The following ZNF483 variants were observed in gnomAD, a reference collection of about 807,000 sequenced individuals.
ZNF483 encodes zinc finger protein HIT-10.
In ZNF483, 9 loss-of-function variants were observed where a neutral mutation model predicts 28.6. The ratio of observed to expected loss-of-function variants is 0.32; its 90% CI spans 0.19 to 0.55. The LOEUF (loss-of-function observed/expected upper bound fraction) is 0.55, where lower values mean the gene tolerates loss of function less well. ZNF483 is among the 20% of genes least tolerant of loss of function. The probability of loss-of-function intolerance (pLI) is 0.93; values close to 1 mark genes in which losing one functional copy is unlikely to be tolerated. For missense variants in ZNF483, 675 were observed against 871.7 expected (o/e 0.77, Z 2.84); for synonymous variants, 322 against 306.2 (o/e 1.05, Z -0.54).
At chr9:111,540,722 A>G (rs1255227201) in intron 5 of ZNF483, among the ~76,000 whole-genome samples, 2 of 152,212 alleles carry the variant, frequency 1.3e-5, no homozygotes, top group African/African-American at 2.4e-5. Context: ...TCTGTGATGT[A>G]TTTAACGTTT....
intron 5 of ZNF483, among the ~76,000 whole-genome samples, chr9:111,573,871 A>G (rs929240158): frequency 6.6e-6 from 1 of 152,112 alleles, no homozygotes; most frequent in African/African-American, 2.4e-5. Flanking sequence ...AGCATAAGAG[A>G]GTAGGGAGTG....
chr9:111,576,926 A>G (rs1829082216), exon 6 of ZNF483: 1 of 152,314 alleles, frequency 6.6e-6, no homozygotes, highest in South Asian at 2.1e-4. Context: ...CTCCGTCTCT[A>G]TTTAAAATAC....
At chr9:111,528,172 C>T (rs1431992016) in intron 2 of ZNF483, among the ~76,000 whole-genome samples, 1 of 152,192 alleles carries the variant, frequency 6.6e-6, no homozygotes, top group East Asian at 1.9e-4. Context: ...CCAGCTCAGG[C>T]CCTAATGCCT....
chr9:111,525,546 G>A (rs1037664197), intron 1 of ZNF483, among the ~76,000 whole-genome samples: 5 of 152,152 alleles, frequency 3.3e-5, no homozygotes, highest in Admixed American at 6.5e-5. Flanking sequence ...GTGGCAGGAT[G>A]TTTAACAGCG....
chr9:111,565,283 C>G (rs1375183973), intron 5 of ZNF483, among the ~76,000 whole-genome samples: 1 of 152,064 alleles, frequency 6.6e-6, no homozygotes, highest in Non-Finnish European at 1.5e-5. Context: ...AAGAGAGAGG[C>G]CTGCAAAGAA....
In ZNF483 at chr9:111,541,863, A is replaced by C. The variant is rs1237564456; in HGVS notation, c.928A>C (p.Asn310His). The C allele has an allele frequency of 1.2e-6, 2 of 1,613,852 alleles. No individual in the cohort carries two copies. Among genetic ancestry groups the C allele is most frequent in the African/African-American group, 2.7e-5 (2 of 74,876 alleles). ...FDPDKSPFGH[N>H]FKETSDLIKH... The stretch of plus-strand genomic sequence containing the variant: ...CCCAGATAAAAGCCCCTTTGGACAT[A>C]ATTTCAAAGAAACTTCAGACTTAAT... The change falls in exon 6 of 6, where the codon AAT (asparagine) becomes CAT (histidine). Residue 310 changes from asparagine (N) to histidine (H), a missense_variant. Transcript: ENST00000309235.
intron 1 of ZNF483, among the ~76,000 whole-genome samples, chr9:111,526,414 C>A (rs1015057532): frequency 1.3e-5 from 2 of 152,146 alleles, no homozygotes. Flanking sequence ...TGGTGAGGGA[C>A]TGTAAGCCGG....
At position 111,543,007 on chromosome 9, in the gene ZNF483, A is replaced by G; in HGVS notation, c.2072A>G (p.Tyr691Cys). 1.2e-6 allele frequency: 2 copies of G among 1,614,206 alleles called. No individual in the cohort carries two copies. Among genetic ancestry groups the G allele is most frequent in the Non-Finnish European group, 1.7e-6 (2 of 1,180,028 alleles). Reference sequence around the variant, plus strand: ...CGAATTCATACAGGAGAGAAACCCTATGAGTGTAACTATTGTGGTGCAACC... The same window carrying G: ...CGAATTCATACAGGAGAGAAACCCTGTGAGTGTAACTATTGTGGTGCAACC... ...HHRIHTGEKP[Y>C]ECNYCGATFS... The change falls in exon 6 of 6, where the codon TAT (tyrosine) becomes TGT (cysteine). Residue 691 changes from tyrosine to cysteine, a missense_variant. Physicochemically the swap from Tyr to Cys is radical, Grantham distance 194 (BLOSUM62 -2). This residue lies in a region of ZNF483 where 55 missense variants were observed against 72.4 expected (regional missense o/e 0.76). Coordinates refer to ENST00000309235, the MANE Select transcript of ZNF483 (RefSeq NM_133464.5).
Position 111,541,646 on chromosome 9 carries a change from A to AT in ZNF483, c.722-10dup. 6.4e-7 allele frequency: 1 copy of AT among 1,572,784 alleles called. No homozygotes were observed. Among genetic ancestry groups the AT allele is most frequent in the South Asian group, 1.2e-5 (1 of 83,678 alleles). On this transcript the variant is annotated splice_polypyrimidine_tract_variant and intron_variant, in intron 5 of 5. Coordinates refer to ENST00000309235, the MANE Select transcript of ZNF483 (RefSeq NM_133464.5). ...GCAAACAGGAAATATTCTATTTCTTATATCTTTTAGATGAATCAGCTTTAG... is the reference window on the plus strand; with the variant it reads ...GCAAACAGGAAATATTCTATTTCTTATTATCTTTTAGATGAATCAGCTTTAG...
chr9:111,530,122 C>T (rs1330995823), intron 2 of ZNF483, among the ~76,000 whole-genome samples: 2 of 152,246 alleles, frequency 1.3e-5, no homozygotes, highest in East Asian at 1.9e-4. Context: ...AGCTCCACCC[C>T]CCAACCTGTC....
intron 1 of ZNF483, among the ~76,000 whole-genome samples, 178 bp from the exon 2 acceptor site, chr9:111,527,090 G>A (rs866705083): frequency 3.3e-5 from 5 of 151,078 alleles, no homozygotes; most frequent in Admixed American, 6.6e-5. Context: ...CACCAAGAGC[G>A]AAACTCCGTC....
At chr9:111,531,020 G>A (rs1827332092) in intron 3 of ZNF483, 57 bp downstream of exon 3, 2 of 848,086 alleles carry the variant, frequency 2.4e-6, no homozygotes, top group Admixed American at 2.1e-5. Flanking sequence ...AGCTCCTACT[G>A]AGTGGTATAA....
At position 111,544,208 on chromosome 9, in the gene ZNF483, C is replaced by T; in HGVS notation, c.*1038C>T. On this transcript the variant is annotated 3_prime_UTR_variant, in exon 6 of 6. Coordinates refer to ENST00000309235, the MANE Select transcript of ZNF483 (RefSeq NM_133464.5). ...GAAATGTGCTGAAGACAGAGCTATT[C>T]TGGATGGATTTTGGTTTGCAAAAAT... 1.6e-5 allele frequency: 16 copies of T among 985,336 alleles called. No homozygotes were observed. Among genetic ancestry groups the T allele is most frequent in the Non-Finnish European group, 1.9e-5 (16 of 829,920 alleles). 61.0% of individuals were successfully genotyped at this position (985,336 alleles called of 1,614,324 possible).
chr9:111,570,335 C>T (rs1285308504), intron 5 of ZNF483: 2 of 1,417,308 alleles, frequency 1.4e-6, no homozygotes, highest in South Asian at 1.5e-5. Context: ...CCTTCCATTT[C>T]CTCACTCCTT....
At position 111,530,756 on chromosome 9, in the gene ZNF483, A is replaced by AAT. The variant is rs60541488; in HGVS notation, c.413-75_413-74dup. ...GTTTTTTTCCTGTTTATCACTTAGA[A>AAT]ATATATATATATATATATATATATA... On this transcript the variant is annotated intron_variant, in intron 2 of 5. Transcript: ENST00000309235. 9.5e-3 allele frequency: 669 copies of AAT among 70,416 alleles called. 40 individuals are homozygous for AAT. The highest frequency in any genetic ancestry group is 0.013 in the Non-Finnish European group (404 of 31,998). 4.4% of individuals were successfully genotyped at this position (70,416 alleles called of 1,614,324 possible). A position where few individuals can be genotyped will look rare whatever the true frequency, so the allele number is the denominator to read the frequency against.
chr9:111,538,596 A>G (rs1011189082), intron 5 of ZNF483, among the ~76,000 whole-genome samples: 4 of 152,140 alleles, frequency 2.6e-5, no homozygotes, highest in African/African-American at 9.7e-5. Context: ...TTGTTTTATC[A>G]TATTTAAGTA....
intron 5 of ZNF483, 118 bp downstream of exon 5, chr9:111,534,471 G>A (rs969303874): frequency 3.7e-6 from 3 of 818,348 alleles, no homozygotes; most frequent in Middle Eastern, 2.3e-4. Flanking sequence ...TTAGAATAGA[G>A]CCCTTGCCTT....
chr9:111,570,090 C>A (rs1157267969), intron 5 of ZNF483: 2 of 1,614,090 alleles, frequency 1.2e-6, no homozygotes, highest in Non-Finnish European at 1.7e-6. Context: ...GAGCTCCTTA[C>A]CTCTAAGACC....
At position 111,533,876 on chromosome 9, in the gene ZNF483, C is replaced by A; in HGVS notation, c.628+11C>A. ...ACCTAGAATTTCTGGGTAAAGACAC[C>A]TTTTCTTCATTACCTAGCGTTTAAC... On this transcript the variant is annotated intron_variant, in intron 4 of 5. Coordinates refer to ENST00000309235, the MANE Select transcript of ZNF483 (RefSeq NM_133464.5). 4 of 1,587,288 alleles carry A rather than the reference C, an allele frequency of 2.5e-6. No homozygotes were observed. Among genetic ancestry groups the A allele is most frequent in the Non-Finnish European group, 3.4e-6 (4 of 1,173,370 alleles).
Sources: gnomAD v4.1 joint callset for allele counts (sites outside exome capture counted in the v4.1 genomes callset) on GRCh38, gnomAD v4.1.1 for gene constraint, gnomAD v4.1.1 regional missense constraint, MANE v1.5 for transcripts, NCBI Gene and HGNC (gene_info 2026-07-23, HGNC 2026-07-21) for gene names.